TMTC2: variants seen among roughly 807,000 people sequenced by gnomAD.
The protein encoded by TMTC2 is protein O-mannosyl-transferase TMTC2.
Under a neutral mutation model 82.4 loss-of-function variants are expected in TMTC2, and 43 were observed. The ratio of observed to expected loss-of-function variants is 0.52; its 90% confidence interval spans 0.41 to 0.67. TMTC2 has a LOEUF of 0.67. Among genes scored for constraint, TMTC2 ranks in the 30% least tolerant of loss-of-function variants. The probability of loss-of-function intolerance (pLI) is 0.00; values close to 1 mark genes in which losing one functional copy is unlikely to be tolerated. For missense variants in TMTC2, 919 were observed against 1,012.4 expected, an observed-to-expected ratio of 0.91 and a Z score of 1.25; for synonymous variants, 408 against 381.9, an observed-to-expected ratio of 1.07 and a Z score of -0.80.
intron 3 of TMTC2, among the ~76,000 whole-genome samples, chr12:82,907,380 C>T (rs1358992970): frequency 6.6e-6 from 1 of 151,598 alleles, no homozygotes; most frequent in East Asian, 1.9e-4. Flanking sequence ...GGATAATTGC[C>T]TGAGCCGGGC....
At position 82,857,155 on chromosome 12, in the gene TMTC2, C is replaced by A. The variant is rs773500628; in HGVS notation, c.229C>A (p.His77Asn). The stretch of plus-strand genomic sequence containing the variant: ...CTGCACTCTTTCTTTTCGCCTGAAC[C>A]ATGCCATTGGAGGGTTGAATCCCTG... ...PLCTLSFRLN[H>N]AIGGLNPWSY... is the part of the protein sequence containing the mutation. The change falls in exon 2 of 12, where the codon CAT becomes AAT. Residue 77 changes from histidine (H) to asparagine (N), a missense_variant. By Grantham distance (68) the His-to-Asn change is moderately conservative. Coordinates refer to ENST00000321196, the MANE Select transcript of TMTC2 (RefSeq NM_152588.3). 2 of 1,614,158 alleles carry A rather than the reference C, an allele frequency of 1.2e-6. No homozygotes were observed.
At position 82,825,103 on chromosome 12, in the gene TMTC2, A is replaced by G. The variant is rs547996812; in HGVS notation, c.84-31907A>G. On this transcript the variant is annotated intron_variant, in intron 1 of 11. Coordinates refer to ENST00000321196, the MANE Select transcript of TMTC2 (RefSeq NM_152588.3). ...GACTCTGACTCAAAAAAAAAGAAAA[A>G]AAAAAAAGACATACGAGCAGATCAG... 2.5e-3 allele frequency among the ~76,000 whole-genome samples: 384 copies of G among 152,212 alleles called. 2 individuals carry two copies. The highest frequency in any genetic ancestry group is 4.2e-3 in the Non-Finnish European group (284 of 68,014).
At chr12:83,031,926 G>C (rs762366292) in intron 9 of TMTC2, among the ~76,000 whole-genome samples, 1 of 152,140 alleles carries the variant, frequency 6.6e-6, no homozygotes, top group Non-Finnish European at 1.5e-5. Context: ...TACAACTCCT[G>C]ATTTTGTTTC....
At chr12:82,919,604 TCAAAG>T (rs1266300517) in intron 3 of TMTC2, among the ~76,000 whole-genome samples, 1 of 152,168 alleles carries the variant, frequency 6.6e-6, no homozygotes, top group South Asian at 2.1e-4. Context: ...GCCTGTAACA[TCAAAG>T]CAAGTTATCT....
intron 2 of TMTC2, among the ~76,000 whole-genome samples, chr12:82,889,063 G>A (rs1259457872): frequency 2.0e-5 from 3 of 152,116 alleles, no homozygotes; most frequent in Non-Finnish European, 2.9e-5. Context: ...CAGATCATAA[G>A]TTCAGGAGTT....
At chr12:83,067,450 G>A (rs547207749) in intron 11 of TMTC2, among the ~76,000 whole-genome samples, 1 of 151,918 alleles carries the variant, frequency 6.6e-6, no homozygotes, top group Non-Finnish European at 1.5e-5. Flanking sequence ...GTGAGTGGGG[G>A]GTGCAAAGGA....
chr12:82,800,347 A>G (rs975827389), intron 1 of TMTC2, among the ~76,000 whole-genome samples: 9 of 152,118 alleles, frequency 5.9e-5, no homozygotes, highest in African/African-American at 9.6e-5. Context: ...CTGGCTCGTT[A>G]CCTTGCAGTG....
At chr12:83,080,286 G>A (rs151096490) in intron 11 of TMTC2, among the ~76,000 whole-genome samples, 1,631 of 152,120 alleles carry the variant, frequency 0.011, 10 homozygotes, top group Non-Finnish European at 0.015. Flanking sequence ...ATAAACAAAT[G>A]TTCACTTAAA....
intron 7 of TMTC2, among the ~76,000 whole-genome samples, chr12:82,983,682 C>G (rs1281371075): frequency 6.6e-6 from 1 of 151,876 alleles, no homozygotes; most frequent in Non-Finnish European, 1.5e-5. Context: ...AATGGTTGTA[C>G]AACTTTTTTA....
intron 1 of TMTC2, among the ~76,000 whole-genome samples, chr12:82,709,553 G>A (rs1365532211): frequency 6.6e-6 from 1 of 152,076 alleles, no homozygotes; most frequent in African/African-American, 2.4e-5. Flanking sequence ...CCAAAAACCT[G>A]CTCATTTGAT....
At chr12:82,876,694 A>C (rs1472674090) in intron 2 of TMTC2, among the ~76,000 whole-genome samples, 1 of 152,114 alleles carries the variant, frequency 6.6e-6, no homozygotes, top group East Asian at 1.9e-4. Flanking sequence ...GACGTTTTTC[A>C]AGGTTATTTC....
At chr12:82,776,099 T>C (rs11115415) in intron 1 of TMTC2, among the ~76,000 whole-genome samples, 12,940 of 152,220 alleles carry the variant, frequency 0.085, 783 homozygotes, top group Middle Eastern at 0.19. Flanking sequence ...TGAACCGTTA[T>C]TGAGTTTCCA....
intron 11 of TMTC2, among the ~76,000 whole-genome samples, chr12:83,066,983 A>G (rs1237764043): frequency 1.3e-5 from 2 of 151,962 alleles, no homozygotes; most frequent in Non-Finnish European, 2.9e-5. Flanking sequence ...TCATTTGCAA[A>G]AAGGAAATGG....
chr12:82,917,893 T>A lies in TMTC2; in HGVS notation c.1484-12538T>A, dbSNP rs1682567. On this transcript the variant is annotated intron_variant, in intron 3 of 11. Coordinates refer to ENST00000321196, the MANE Select transcript of TMTC2 (RefSeq NM_152588.3). Reference sequence around the variant, plus strand: ...TGGGATTACAGGCGTGAGCCACTGCTCCCGGCCAGCTTTTATTTTTTTGAG... The same window carrying A: ...TGGGATTACAGGCGTGAGCCACTGCACCCGGCCAGCTTTTATTTTTTTGAG... Among the ~76,000 whole-genome samples, 24 of 152,098 alleles carry A rather than the reference T, an allele frequency of 1.6e-4. No homozygotes were observed. The East Asian group carries it at 3.1e-3, about 20-fold the overall frequency.
intron 1 of TMTC2, among the ~76,000 whole-genome samples, chr12:82,850,949 A>G (rs936550786): frequency 2.0e-5 from 3 of 152,078 alleles, no homozygotes; most frequent in Non-Finnish European, 4.4e-5. Flanking sequence ...CTGTAGTCCC[A>G]GCTACTCAGG....
At chr12:82,784,706 G>T (rs1219713093) in intron 1 of TMTC2, among the ~76,000 whole-genome samples, 3 of 152,080 alleles carry the variant, frequency 2.0e-5, no homozygotes, top group African/African-American at 7.2e-5. Context: ...TGTGGGGTTG[G>T]TATGTTGTCA....
At chr12:82,948,377 A>AC (rs1565823348) in intron 4 of TMTC2, among the ~76,000 whole-genome samples, 20 of 102,794 alleles carry the variant, frequency 1.9e-4, no homozygotes, top group South Asian at 1.5e-3. Flanking sequence ...TTTAAACAAA[A>AC]AAAAAAAAGA....
At chr12:82,730,839 G>A (rs922644722) in intron 1 of TMTC2, among the ~76,000 whole-genome samples, 3 of 152,164 alleles carry the variant, frequency 2.0e-5, no homozygotes, top group African/African-American at 7.2e-5. Context: ...GAAATTGTGA[G>A]ATACAATTTT....
chr12:82,742,851 A>G (rs1167805067), intron 1 of TMTC2, among the ~76,000 whole-genome samples: 1 of 152,064 alleles, frequency 6.6e-6, no homozygotes, highest in Non-Finnish European at 1.5e-5. Flanking sequence ...CATTCCCTAG[A>G]TCGAGTCCAT....
Sources: allele counts gnomAD v4.1 joint callset (sites outside exome capture counted in the v4.1 genomes callset), GRCh38; gene constraint gnomAD v4.1.1; transcripts MANE v1.5; gene names NCBI Gene and HGNC (gene_info 2026-07-23, HGNC 2026-07-21).